The following DNM2 variants were observed in gnomAD, a reference collection of about 807,000 sequenced individuals.
DNM2 encodes the protein dynamin 2.
A neutral mutation model predicts 99.0 loss-of-function variants in DNM2; 15 were observed. The observed-to-expected ratio is 0.15, with a 90% CI of 0.10 to 0.23. The LOEUF (loss-of-function observed/expected upper bound fraction) is 0.23, where lower values mean the gene tolerates loss of function less well. DNM2 is among the 10% of genes least tolerant of loss of function. DNM2 has a pLI of 1.00. For missense variants in DNM2, 742 were observed against 1,189.4 expected (o/e 0.62, Z 5.53); for synonymous variants, 525 against 481.2 (o/e 1.09, Z -1.19).
rs187804306 is a variant in DNM2, at chr19:10,724,548, C to T, written c.161+6145C>T. Among the ~76,000 whole-genome samples, 6 of 152,270 alleles carry T rather than the reference C, an allele frequency of 3.9e-5. No individual in the cohort carries two copies. The East Asian group carries it at 9.6e-4, about 24-fold the overall frequency. On this transcript the variant is annotated intron_variant, in intron 1 of 20. Transcript: ENST00000389253. ...GCCTTGAAGGAGGCGAGGAAGGAAC[C>T]CCTGGAGACGGGAAGAGAATCCAGT...
At chr19:10,766,880 C>G (rs73498597) in intron 2 of DNM2, among the ~76,000 whole-genome samples, 2,041 of 152,298 alleles carry the variant, frequency 0.013, 49 homozygotes, top group African/African-American at 0.046. Context: ...AGGGCCTGAT[C>G]ACATGCCAGC....
intron 1 of DNM2, among the ~76,000 whole-genome samples, chr19:10,728,749 A>G (rs1015101972): frequency 7.9e-5 from 12 of 152,114 alleles, no homozygotes; most frequent in African/African-American, 2.9e-4. Flanking sequence ...GGTGTTCGAG[A>G]CCAGCCTGGC....
chr19:10,745,369 T>C (rs893031717), intron 1 of DNM2, among the ~76,000 whole-genome samples: 1 of 152,196 alleles, frequency 6.6e-6, no homozygotes, highest in African/African-American at 2.4e-5. Context: ...AATATGTTTC[T>C]GGGTGCTGGG....
Position 10,830,149 on chromosome 19 carries a change from G to A in DNM2, c.2314G>A (p.Val772Met). Residue 772 changes from valine (V) to methionine (M), a missense_variant, in exon 20 of 21, where the codon GTG (valine) becomes ATG (methionine). Transcript: ENST00000389253. This position sits in a 1 kb window ranked among gnomAD's most constrained non-coding sequence, Gnocchi z 4.8. ...SHSPTPQRRP[V>M]SSIHPPGRPP... ...CAGCCCCACTCCACAGCGCCGACCG[G>A]TGTCCAGCATACACCCCCCTGGCCG... 3 of 1,613,856 alleles carry A rather than the reference G, an allele frequency of 1.9e-6. No individual in the cohort carries two copies. The highest frequency in any genetic ancestry group is 2.5e-6 in the Non-Finnish European group (3 of 1,179,832).
intron 19 of DNM2, among the ~76,000 whole-genome samples, chr19:10,829,665 CCT>C (rs1039155653): frequency 2.4e-4 from 36 of 152,276 alleles, no homozygotes; most frequent in African/African-American, 7.9e-4. Flanking sequence ...TGCTGCCGCC[CCT>C]GAGTTGTCCA....
At chr19:10,821,654 C>G (rs1332421492) in intron 16 of DNM2, among the ~76,000 whole-genome samples, 1 of 152,152 alleles carries the variant, frequency 6.6e-6, no homozygotes, top group Non-Finnish European at 1.5e-5. Flanking sequence ...GCCTCAGCCT[C>G]CCAAGTAGCT....
At position 10,831,748 on chromosome 19, in the gene DNM2, G is replaced by A; in HGVS notation, c.*701G>A. ...GTGGTGGTGGCGGGGGGTCTTGGGGGCCTCTCAGCTCCCGCCCATGCCTCC... is the reference window on the plus strand; with the variant it reads ...GTGGTGGTGGCGGGGGGTCTTGGGGACCTCTCAGCTCCCGCCCATGCCTCC... On this transcript the variant is annotated 3_prime_UTR_variant, in exon 21 of 21. Transcript: ENST00000389253. The surrounding 1 kb of genome is among the most constrained non-coding windows in gnomAD (Gnocchi z 4.3). 1.0e-6 allele frequency: 1 copy of A among 986,414 alleles called. No individual in the cohort carries two copies. Among genetic ancestry groups the A allele is most frequent in the Non-Finnish European group, 1.2e-6 (1 of 830,472 alleles). 61.1% of individuals were successfully genotyped at this position (986,414 alleles called of 1,614,324 possible).
At chr19:10,757,153 C>T (rs2070416375) in intron 1 of DNM2, among the ~76,000 whole-genome samples, 1 of 152,158 alleles carries the variant, frequency 6.6e-6, no homozygotes, top group Admixed American at 6.5e-5. Context: ...TTCAGCCCTG[C>T]TCTGCCAGCA....
chr19:10,775,578 G>A lies in DNM2; in HGVS notation c.386-125G>A. On this transcript the variant is annotated intron_variant, in intron 3 of 20. Transcript: ENST00000389253. The surrounding 1 kb of genome is among the most constrained non-coding windows in gnomAD (Gnocchi z 4.3). ...ATCAAAGGTGTGGTTCAGGCAGAGT[G>A]TCAGGCGACATCCTCAAGTCTGAGC... 9.7e-7 allele frequency: 1 copy of A among 1,034,418 alleles called. No individual in the cohort carries two copies. Among genetic ancestry groups the A allele is most frequent in the Non-Finnish European group, 1.5e-6 (1 of 659,818 alleles). The allele number at this position is 1,034,418 out of a possible 1,614,324, so 64.1% of individuals were successfully genotyped here.
At position 10,824,470 on chromosome 19, in the gene DNM2, C is replaced by T. The variant is rs182584145; in HGVS notation, c.1893+571C>T. 3.1e-5 allele frequency: 6 copies of T among 196,478 alleles called. No homozygotes were observed. In the East Asian group the frequency reaches 6.3e-4, roughly 21 times the overall value. The allele number at this position is 196,478 out of a possible 1,614,324, so 12.2% of individuals were successfully genotyped here. A position where few individuals can be genotyped will look rare whatever the true frequency, so the allele number is the denominator to read the frequency against. ...GAGCTGAGATCACGCCATTGCACTCCAGCCTGGGCGACAGAGCAAGACTCC... is the reference window on the plus strand; with the variant it reads ...GAGCTGAGATCACGCCATTGCACTCTAGCCTGGGCGACAGAGCAAGACTCC... On this transcript the variant is annotated intron_variant, in intron 17 of 20. Coordinates refer to ENST00000389253, the MANE Select transcript of DNM2 (RefSeq NM_001005361.3).
intron 1 of DNM2, among the ~76,000 whole-genome samples, chr19:10,738,403 G>T (rs1353755761): frequency 4.0e-5 from 6 of 151,872 alleles, no homozygotes; most frequent in Non-Finnish European, 2.9e-5. Context: ...GATTGCTTGA[G>T]CCCAGGAGTT....
intron 15 of DNM2, 32 bp from the exon 16 acceptor site, chr19:10,819,948 G>T (rs554342951): frequency 6.2e-7 from 1 of 1,602,442 alleles, no homozygotes; most frequent in Non-Finnish European, 8.6e-7. Flanking sequence ...CACGTGGACC[G>T]CTCAGGGTGA....
chr19:10,757,487 A>G (rs146755848), intron 1 of DNM2, among the ~76,000 whole-genome samples: 1 of 152,278 alleles, frequency 6.6e-6, no homozygotes, highest in African/African-American at 2.4e-5. Context: ...CAGCATGGGT[A>G]GGGCCACCTG....
rs558084169 is a variant in DNM2 at position 10,808,634 on chromosome 19, G to A, written c.1557+54G>A. The A allele has an allele frequency of 5.7e-5, 90 of 1,584,674 alleles. No homozygotes were observed. In the East Asian group the frequency reaches 1.9e-3, roughly 33 times the overall value. ...CATTAGAGAATCTAGTGGTGATGGA[G>A]ACCCCGCCCACCCCTAATATTCCCT... On this transcript the variant is annotated intron_variant, in intron 14 of 20. Coordinates refer to ENST00000389253, the MANE Select transcript of DNM2 (RefSeq NM_001005361.3).
chr19:10,826,550 A>T (rs1174770115), intron 18 of DNM2, among the ~76,000 whole-genome samples: 6 of 152,206 alleles, frequency 3.9e-5, no homozygotes, highest in African/African-American at 1.4e-4. Context: ...GCACTTGTGT[A>T]TCAGGCCTTT....
At chr19:10,805,515 G>A (rs550033206) in intron 12 of DNM2, among the ~76,000 whole-genome samples, 23 of 152,274 alleles carry the variant, frequency 1.5e-4, no homozygotes, top group African/African-American at 5.1e-4. Context: ...TGCACCTGTG[G>A]TTCCAGCTAC....
intron 17 of DNM2, chr19:10,824,555 C>T (rs563330263): frequency 4.9e-6 from 1 of 204,362 alleles, no homozygotes; most frequent in South Asian, 8.3e-5. Context: ...CCTGCAATCC[C>T]AACACTTTGG....
In DNM2 at chr19:10,802,283, C is replaced by T; in HGVS notation, c.1423-5C>T. The T allele has an allele frequency of 6.2e-7, 1 of 1,614,176 alleles. No homozygotes were observed. Among genetic ancestry groups the T allele is most frequent in the Non-Finnish European group, 8.5e-7 (1 of 1,180,038 alleles). On this transcript the variant is annotated splice_region_variant and splice_polypyrimidine_tract_variant and intron_variant, in intron 11 of 20. Transcript: ENST00000389253. Reference sequence around the variant, plus strand: ...GTACTCACAGTGACCCCCGCTCTCCCCCAGATTCTTCTGCTGATCGACATT... The same window carrying T: ...GTACTCACAGTGACCCCCGCTCTCCTCCAGATTCTTCTGCTGATCGACATT...
chr19:10,819,858 A>T, intron 15 of DNM2, 122 bp from the exon 16 acceptor site: 1 of 874,752 alleles, frequency 1.1e-6, no homozygotes, highest in Non-Finnish European at 1.9e-6. Flanking sequence ...GCTCATATAC[A>T]GCAGCGACCA....
Sources: gnomAD v4.1 joint callset for allele counts (sites outside exome capture counted in the v4.1 genomes callset) on GRCh38, gnomAD v4.1.1 for gene constraint, Gnocchi (gnomAD v3.1) non-coding constraint, MANE v1.5 for transcripts, NCBI Gene and HGNC (gene_info 2026-07-23, HGNC 2026-07-21) for gene names.